KANSL1: variants seen among roughly 807,000 people sequenced by gnomAD.
KANSL1 encodes the protein MLL1/MLL complex subunit KANSL1.
KANSL1 carries 22 observed loss-of-function variants against 103.6 expected under a neutral mutation model. The ratio of observed to expected loss-of-function variants is 0.21; its 90% CI spans 0.15 to 0.30. The LOEUF (loss-of-function observed/expected upper bound fraction) is 0.30. Ranked by LOEUF, KANSL1 falls within the 10% of genes least tolerant of loss-of-function variation. The pLI, the probability that KANSL1 is intolerant of heterozygous loss-of-function variation, is 1.00. For synonymous variants in KANSL1, 600 were observed against 527.6 expected (o/e 1.14, Z -1.88); for missense variants, 1,337 against 1,399.8 (o/e 0.96, Z 0.72).
intron 2 of KANSL1, among the ~76,000 whole-genome samples, chr17:46,144,025 G>C (rs558216822): frequency 6.6e-6 from 1 of 152,290 alleles, no homozygotes; most frequent in African/African-American, 2.4e-5. Flanking sequence ...AGTAACAGCA[G>C]AGGTAAAACA....
At chr17:46,190,086 A>T (rs1464509072) in intron 1 of KANSL1, among the ~76,000 whole-genome samples, 3 of 152,330 alleles carry the variant, frequency 2.0e-5, no homozygotes, top group Admixed American at 6.5e-5. Flanking sequence ...AAAACTTCTT[A>T]TTCACTTTAA....
At chr17:46,100,918 T>G (rs1305982763) in intron 2 of KANSL1, among the ~76,000 whole-genome samples, 1 of 152,262 alleles carries the variant, frequency 6.6e-6, no homozygotes, top group Non-Finnish European at 1.5e-5. Flanking sequence ...ATTCTTTCCT[T>G]TTAATGAAAC....
At chr17:46,125,670 A>G (rs768099736) in intron 2 of KANSL1, among the ~76,000 whole-genome samples, 2 of 152,248 alleles carry the variant, frequency 1.3e-5, no homozygotes, top group South Asian at 2.1e-4. Context: ...AAGGAAACAT[A>G]AAATGGGCAG....
chr17:46,103,211 C>T (rs1005838917), intron 2 of KANSL1, among the ~76,000 whole-genome samples: 1 of 152,218 alleles, frequency 6.6e-6, no homozygotes, highest in African/African-American at 2.4e-5. Flanking sequence ...TTTCCTCATG[C>T]TCTTTTATTT....
At chr17:46,153,816 G>T (rs1012633160) in intron 2 of KANSL1, among the ~76,000 whole-genome samples, 1 of 152,250 alleles carries the variant, frequency 6.6e-6, no homozygotes, top group Non-Finnish European at 1.5e-5. Context: ...TCGCAATGTG[G>T]AGGGAAAACC....
rs796149477 is a variant in KANSL1 at position 46,103,282 on chromosome 17, C to T, written c.1290-8581G>A. ...CAAGCTAAAAGATAATAAACTCCCA[C>T]AAAACCATCAACCAATTTCAACTAT... On this transcript the variant is annotated intron_variant, in intron 2 of 14. Transcript: ENST00000432791. Among the ~76,000 whole-genome samples the T allele has an allele frequency of 4.8e-4, 73 of 152,346 alleles. No individual in the cohort carries two copies. The Middle Eastern group carries it at 0.014, about 28-fold the overall frequency.
At chr17:46,157,162 G>T (rs1306309785) in intron 2 of KANSL1, among the ~76,000 whole-genome samples, 1 of 152,184 alleles carries the variant, frequency 6.6e-6, no homozygotes, top group Non-Finnish European at 1.5e-5. Context: ...GGACACTTCT[G>T]ACTATCCTCA....
intron 7 of KANSL1, chr17:46,045,065 G>C (rs1169028286): frequency 3.3e-5 from 5 of 151,744 alleles, no homozygotes; most frequent in Admixed American, 2.0e-4. Flanking sequence ...TTCTAGAGAA[G>C]AGGTTGTAAG....
At chr17:46,166,513 C>CA (rs150251497) in intron 2 of KANSL1, among the ~76,000 whole-genome samples, 11,257 of 138,000 alleles carry the variant, frequency 0.082, 27 homozygotes, top group Middle Eastern at 0.15. Context: ...ATTCGGTCTC[C>CA]AAAAAAAAAA....
chr17:46,157,146 C>T (rs1290444821), intron 2 of KANSL1, among the ~76,000 whole-genome samples: 9 of 152,218 alleles, frequency 5.9e-5, no homozygotes, highest in Admixed American at 5.9e-4. Context: ...TCTAGGACTG[C>T]CACAAGGACA....
intron 11 of KANSL1, 155 bp from the exon 12 acceptor site, chr17:46,033,615 C>G (rs2077071114): frequency 1.5e-6 from 1 of 651,722 alleles, no homozygotes; most frequent in Admixed American, 2.8e-5. Flanking sequence ...GTCTCCCTAC[C>G]CTGTCAAGGC....
At chr17:46,200,168 C>T (rs535934015) in intron 1 of KANSL1, among the ~76,000 whole-genome samples, 1 of 152,210 alleles carries the variant, frequency 6.6e-6, no homozygotes, top group South Asian at 2.1e-4. Context: ...AATGACCAAA[C>T]ATAGAAGGAG....
chr17:46,208,392 G>T (rs1049641655), intron 1 of KANSL1, among the ~76,000 whole-genome samples: 1 of 151,828 alleles, frequency 6.6e-6, no homozygotes, highest in Non-Finnish European at 1.5e-5. Context: ...CCACAGCATC[G>T]CTTGAGCTCA....
intron 2 of KANSL1, among the ~76,000 whole-genome samples, chr17:46,142,126 T>C (rs4792834): frequency 0.047 from 7,182 of 152,162 alleles, 908 homozygotes; most frequent in East Asian, 0.42. Context: ...AATAAAAACA[T>C]GTACAAGGAA....
At chr17:46,215,901 C>T (rs1439360878) in intron 1 of KANSL1, among the ~76,000 whole-genome samples, 2 of 151,856 alleles carry the variant, frequency 1.3e-5, no homozygotes, top group Non-Finnish European at 2.9e-5. Context: ...ACTGGCCGGA[C>T]GTGGTGGCGC....
intron 2 of KANSL1, among the ~76,000 whole-genome samples, chr17:46,145,082 GA>G (rs1230987873): frequency 6.6e-6 from 1 of 152,200 alleles, no homozygotes; most frequent in Non-Finnish European, 1.5e-5. Context: ...AGGATTGACA[GA>G]CAAGTACTAC....
chr17:46,041,910 G>A (rs151340295), intron 7 of KANSL1: 21,331 of 131,184 alleles, frequency 0.16, 1,831 homozygotes, highest in East Asian at 0.45. Context: ...GTGTGTGTGT[G>A]TATATTTTTT....
At chr17:46,185,549 T>C (rs2046980070) in intron 1 of KANSL1, among the ~76,000 whole-genome samples, 1 of 152,020 alleles carries the variant, frequency 6.6e-6, no homozygotes, top group Non-Finnish European at 1.5e-5. Context: ...AATATTCTCA[T>C]AGGTACTCAA....
At chr17:46,045,317 G>A (rs959264893) in intron 7 of KANSL1, 1 of 152,042 alleles carries the variant, frequency 6.6e-6, no homozygotes, top group Non-Finnish European at 1.5e-5. Context: ...CAGTTGTTTG[G>A]GTCAAAGCAA....
Sources: gnomAD v4.1 joint callset for allele counts (sites outside exome capture counted in the v4.1 genomes callset) on GRCh38, gnomAD v4.1.1 for gene constraint, MANE v1.5 for transcripts, NCBI Gene and HGNC (gene_info 2026-07-23, HGNC 2026-07-21) for gene names.